SLC25A26: variants seen among roughly 807,000 people sequenced by gnomAD.
SLC25A26 encodes the protein mitochondrial S-adenosylmethionine carrier protein.
A neutral mutation model predicts 37.8 loss-of-function variants in SLC25A26; 36 were observed. The ratio of observed to expected loss-of-function variants is 0.95; its 90% CI spans 0.73 to 1.26. The LOEUF is 1.26. Among genes scored for constraint, SLC25A26 ranks in the 50% most tolerant of loss-of-function variants. The pLI is 0.00. For missense variants in SLC25A26, 390 were observed against 331.1 expected (o/e 1.18, Z -1.38); for synonymous variants, 129 against 122.5 (o/e 1.05, Z -0.35).
upstream of SLC25A26, among the ~76,000 whole-genome samples, chr3:66,218,564 C>G (rs1261645820): frequency 1.3e-5 from 2 of 152,152 alleles, no homozygotes; most frequent in African/African-American, 4.8e-5. Context: ...TCCTCATCTT[C>G]CGGTATTTAG....
intron 1 of SLC25A26, among the ~76,000 whole-genome samples, chr3:66,138,925 T>A (rs1194745782): frequency 6.6e-6 from 1 of 152,140 alleles, no homozygotes; most frequent in Non-Finnish European, 1.5e-5. Flanking sequence ...CAAACAGTCA[T>A]TCTTTTTGAG....
intron 5 of SLC25A26, among the ~76,000 whole-genome samples, chr3:66,318,320 G>A (rs1289540873): frequency 1.3e-5 from 2 of 152,208 alleles, no homozygotes; most frequent in Non-Finnish European, 2.9e-5. Flanking sequence ...TCATGAGGGG[G>A]ACCTGCTGAT....
At chr3:66,201,155 G>A (rs1197796700) in intron 1 of SLC25A26, among the ~76,000 whole-genome samples, 2 of 151,978 alleles carry the variant, frequency 1.3e-5, no homozygotes, top group Non-Finnish European at 2.9e-5. Context: ...AGTAAGAAAT[G>A]AGGCAAATAA....
intron 5 of SLC25A26, among the ~76,000 whole-genome samples, chr3:66,314,695 A>T (rs1183927396): frequency 6.6e-6 from 1 of 152,028 alleles, no homozygotes; most frequent in African/African-American, 2.4e-5. Context: ...AAGAAAGAGT[A>T]TCAGCTCCTG....
At chr3:66,342,542 T>C (rs191243616) in intron 5 of SLC25A26, among the ~76,000 whole-genome samples, 1 of 152,290 alleles carries the variant, frequency 6.6e-6, no homozygotes, top group Admixed American at 6.5e-5. Context: ...TGAAGGACCA[T>C]TAGGTTACAT....
intron 6 of SLC25A26, among the ~76,000 whole-genome samples, chr3:66,353,672 A>G (rs2076511453): frequency 2.0e-5 from 3 of 152,256 alleles, no homozygotes; most frequent in African/African-American, 7.2e-5. Flanking sequence ...AAGCCTGGCC[A>G]GCATATTTCT....
rs1285350212 is a variant in SLC25A26, at chr3:66,262,054, G to A, written c.304G>A (p.Ala102Thr). The change falls in exon 4 of 10, where the codon GCC becomes ACC. Residue 102 changes from alanine to threonine, a missense_variant. Transcript: ENST00000354883. Reference sequence around the variant, plus strand: ...TATAATCAAATTTGTCTTTTAGGTTGCCTGCCTGATTCGAGTTCCATCTGA... The same window carrying A: ...TATAATCAAATTTGTCTTTTAGGTTACCTGCCTGATTCGAGTTCCATCTGA... ...MLAASAGEVV[A>T]CLIRVPSEVV... 9.0e-6 allele frequency: 14 copies of A among 1,562,482 alleles called. No individual in the cohort carries two copies. The highest frequency in any genetic ancestry group is 1.2e-5 in the Non-Finnish European group (14 of 1,150,834).
intron 5 of SLC25A26, among the ~76,000 whole-genome samples, chr3:66,298,929 A>G (rs1019807044): frequency 2.0e-5 from 3 of 152,214 alleles, no homozygotes; most frequent in African/African-American, 7.2e-5. Flanking sequence ...TTACATAGAA[A>G]CAGTATGCTA....
chr3:66,182,720 G>A lies in SLC25A26; in HGVS notation c.-353-38022G>A, dbSNP rs1001479436. Reference sequence around the variant, plus strand: ...GCCTCAACCTGCAGTGGGCGGCGGGGGGGGGGGGTGGGGTATCAGTAGAAA... The same window carrying A: ...GCCTCAACCTGCAGTGGGCGGCGGGAGGGGGGGGTGGGGTATCAGTAGAAA... On this transcript the variant is annotated intron_variant, in intron 1 of 10. Transcript: ENST00000676754. Among the ~76,000 whole-genome samples the A allele has an allele frequency of 2.9e-5, 4 of 137,682 alleles. 1 individual carries two copies. The highest frequency in any genetic ancestry group is 1.1e-4 in the African/African-American group (4 of 35,706). The allele number at this position is 137,682 out of a possible 152,430, so 90.3% of individuals were successfully genotyped here.
At chr3:66,243,376 CA>C in intron 3 of SLC25A26, 64 bp downstream of exon 3, 1 of 751,410 alleles carries the variant, frequency 1.3e-6, no homozygotes, top group Non-Finnish European at 2.2e-6. Context: ...ATTTTCAGTA[CA>C]TATTTATTTC....
chr3:66,160,074 C>G (rs1005251936), intron 1 of SLC25A26, among the ~76,000 whole-genome samples: 1 of 152,090 alleles, frequency 6.6e-6, no homozygotes, highest in Non-Finnish European at 1.5e-5. Flanking sequence ...GCAATCTGGG[C>G]TCACTGCAAC....
intron 6 of SLC25A26, among the ~76,000 whole-genome samples, chr3:66,348,727 G>A (rs776154054): frequency 6.1e-4 from 93 of 152,204 alleles, no homozygotes; most frequent in Admixed American, 2.8e-3. Flanking sequence ...TTTCTTATAA[G>A]TGATCTGATT....
chr3:66,367,807 G>C (rs1262931139), intron 7 of SLC25A26, among the ~76,000 whole-genome samples: 1 of 152,128 alleles, frequency 6.6e-6, no homozygotes, highest in Non-Finnish European at 1.5e-5. Context: ...ATGGTTAAAA[G>C]AGTAGGATTT....
At chr3:66,364,697 G>A (rs2076787838) in intron 7 of SLC25A26, among the ~76,000 whole-genome samples, 1 of 152,138 alleles carries the variant, frequency 6.6e-6, no homozygotes, top group African/African-American at 2.4e-5. Flanking sequence ...ATTTCAATAA[G>A]AACAACTAAC....
rs184625596 is a variant in SLC25A26 at position 66,352,996 on chromosome 3, G to T, written c.498+6588G>T. Among the ~76,000 whole-genome samples the T allele has an allele frequency of 6.2e-4, 94 of 152,152 alleles. 1 individual carries two copies. Among genetic ancestry groups the T allele is most frequent in the Admixed American group, 1.4e-3 (22 of 15,276 alleles). On this transcript the variant is annotated intron_variant, in intron 6 of 9. Coordinates refer to ENST00000354883, the MANE Select transcript of SLC25A26 (RefSeq NM_001379210.1). Reference sequence around the variant, plus strand: ...TTACATCATTGGAATAATTATTTACGACATCAGTGGTGTGATGAGCAGACA... The same window carrying T: ...TTACATCATTGGAATAATTATTTACTACATCAGTGGTGTGATGAGCAGACA...
At chr3:66,206,379 T>A (rs2071177322) in intron 1 of SLC25A26, among the ~76,000 whole-genome samples, 1 of 152,172 alleles carries the variant, frequency 6.6e-6, no homozygotes, top group Non-Finnish European at 1.5e-5. Flanking sequence ...TATTTAGGAT[T>A]AGCCAGTTGT....
chr3:66,274,312 G>A (rs1207962800), intron 5 of SLC25A26, among the ~76,000 whole-genome samples: 10 of 151,878 alleles, frequency 6.6e-5, no homozygotes, highest in African/African-American at 2.4e-4. Flanking sequence ...AGAAAACCTA[G>A]GCAATACCAT....
intron 5 of SLC25A26, among the ~76,000 whole-genome samples, chr3:66,324,381 A>G (rs9875000): frequency 0.41 from 61,816 of 151,774 alleles, 14,449 homozygotes; most frequent in East Asian, 0.7. Flanking sequence ...TCTGAGTGAT[A>G]CCAGCTGGTC....
At chr3:66,270,454 C>T (rs1468062235) in intron 5 of SLC25A26, among the ~76,000 whole-genome samples, 1 of 152,086 alleles carries the variant, frequency 6.6e-6, no homozygotes, top group African/African-American at 2.4e-5. Flanking sequence ...TTCCATAATG[C>T]TAGCTTCATG....
Sources: allele counts gnomAD v4.1 joint callset (sites outside exome capture counted in the v4.1 genomes callset), GRCh38; gene constraint gnomAD v4.1.1; transcripts MANE v1.5; gene names NCBI Gene and HGNC (gene_info 2026-07-23, HGNC 2026-07-21).